FRMD5: variants seen among roughly 807,000 people sequenced by gnomAD.
FRMD5 encodes the protein FERM domain-containing protein 5.
FRMD5 carries 20 observed loss-of-function variants against 69.0 expected under a neutral mutation model. The observed-to-expected ratio is 0.29, with a 90% confidence interval of 0.20 to 0.42. FRMD5 has a LOEUF of 0.42. Ranked by LOEUF, FRMD5 falls within the 10% of genes least tolerant of loss-of-function variation. The probability of loss-of-function intolerance (pLI) is 1.00; values close to 1 mark genes in which losing one functional copy is unlikely to be tolerated. For missense variants in FRMD5, 595 were observed against 708.6 expected (o/e 0.84, Z 1.82); for synonymous variants, 271 against 260.1 (o/e 1.04, Z -0.40).
chr15:44,010,027 G>A (rs1392293639), intron 1 of FRMD5, among the ~76,000 whole-genome samples: 1 of 152,170 alleles, frequency 6.6e-6, no homozygotes, highest in East Asian at 1.9e-4. Context: ...CTTCAAAGGG[G>A]TTTAAACATT....
At chr15:44,167,114 C>T (rs2077722798) in intron 1 of FRMD5, among the ~76,000 whole-genome samples, 1 of 152,126 alleles carries the variant, frequency 6.6e-6, no homozygotes, top group Admixed American at 6.6e-5. Flanking sequence ...ACAGTTTCAC[C>T]TCCAAGCAAC....
chr15:43,886,467 G>T (rs766656194), intron 10 of FRMD5, among the ~76,000 whole-genome samples: 2 of 152,176 alleles, frequency 1.3e-5, no homozygotes, highest in African/African-American at 2.4e-5. Flanking sequence ...GTGGAGCTCT[G>T]TAATACTTTC....
intron 6 of FRMD5, among the ~76,000 whole-genome samples, chr15:43,905,354 C>T (rs946685584): frequency 2.0e-5 from 3 of 152,092 alleles, no homozygotes; most frequent in Non-Finnish European, 4.4e-5. Flanking sequence ...CCAGGCTGGT[C>T]TTGAACTCCT....
At chr15:44,150,821 G>T (rs1050714353) in intron 1 of FRMD5, among the ~76,000 whole-genome samples, 1 of 152,050 alleles carries the variant, frequency 6.6e-6, no homozygotes, top group Non-Finnish European at 1.5e-5. Context: ...GCTGGGTGCC[G>T]TGGCCCACGT....
intron 1 of FRMD5, among the ~76,000 whole-genome samples, chr15:43,975,454 T>C (rs1304182317): frequency 6.6e-6 from 1 of 151,948 alleles, no homozygotes; most frequent in East Asian, 1.9e-4. Context: ...ATAAAAGCAA[T>C]AGAGAAGAGG....
chr15:44,020,597 C>G (rs979305949), intron 1 of FRMD5, among the ~76,000 whole-genome samples: 4 of 152,158 alleles, frequency 2.6e-5, no homozygotes, highest in African/African-American at 9.7e-5. Context: ...TACGTTGGAG[C>G]TTTATTAATT....
chr15:44,001,235 C>T (rs1382234105), intron 1 of FRMD5, among the ~76,000 whole-genome samples: 4 of 152,020 alleles, frequency 2.6e-5, no homozygotes, highest in Admixed American at 2.6e-4. Flanking sequence ...GCTCCTATGC[C>T]CATTTTTAAA....
intron 7 of FRMD5, among the ~76,000 whole-genome samples, chr15:43,899,721 C>G (rs2088998810): frequency 6.6e-6 from 1 of 152,184 alleles, no homozygotes; most frequent in Non-Finnish European, 1.5e-5. Flanking sequence ...TGGGTGGCAA[C>G]AGTGCCTGGT....
In FRMD5 at chr15:44,195,241, T is replaced by TC. The variant is rs775217325; in HGVS notation, c.-188dup. Reference sequence around the variant, plus strand: ...CCTCCTTCCCTCAGCCGCCACCGCCTCCCCCCAGCCCAGATCAAGCGCCGG... The same window carrying TC: ...CCTCCTTCCCTCAGCCGCCACCGCCTCCCCCCCAGCCCAGATCAAGCGCCGG... On this transcript the variant is annotated 5_prime_UTR_variant, in exon 1 of 14. Coordinates refer to ENST00000417257, the MANE Select transcript of FRMD5 (RefSeq NM_032892.5). 116 of 529,716 alleles carry TC rather than the reference T, an allele frequency of 2.2e-4. No individual in the cohort carries two copies. Among genetic ancestry groups the TC allele is most frequent in the Admixed American group, 4.1e-4 (11 of 26,644 alleles). The allele number at this position is 529,716 out of a possible 1,614,324, so 32.8% of individuals were successfully genotyped here.
At chr15:44,083,992 G>T (rs1894093178) in intron 1 of FRMD5, among the ~76,000 whole-genome samples, 1 of 151,842 alleles carries the variant, frequency 6.6e-6, no homozygotes, top group South Asian at 2.1e-4. Flanking sequence ...CCTAGTCTTG[G>T]ACCTGTCAGT....
rs1025277199 is a variant in FRMD5, at chr15:44,111,235, C to T, written c.102+83718G>A. On this transcript the variant is annotated intron_variant, in intron 1 of 13. Coordinates refer to ENST00000417257, the MANE Select transcript of FRMD5 (RefSeq NM_032892.5). ...TGAACATCTGGCCTTCCATCTGCAA[C>T]AGGGACAGTGCCAGATTCAATGCTT... Among the ~76,000 whole-genome samples, 4 of 152,282 alleles carry T rather than the reference C, an allele frequency of 2.6e-5. No individual in the cohort carries two copies. The South Asian group carries it at 8.3e-4, about 32-fold the overall frequency.
chr15:43,874,790 C>T (rs1046329916), intron 13 of FRMD5, among the ~76,000 whole-genome samples: 1 of 151,822 alleles, frequency 6.6e-6, no homozygotes, highest in Non-Finnish European at 1.5e-5. Flanking sequence ...ATCCCAGTTA[C>T]TTGGTGGGCT....
At chr15:44,039,997 G>C (rs1044916208) in intron 1 of FRMD5, among the ~76,000 whole-genome samples, 2 of 151,916 alleles carry the variant, frequency 1.3e-5, no homozygotes, top group African/African-American at 4.8e-5. Flanking sequence ...TGATGGAGCT[G>C]AAAAACACAG....
At chr15:43,957,736 T>C (rs1386915276) in intron 1 of FRMD5, among the ~76,000 whole-genome samples, 1 of 152,274 alleles carries the variant, frequency 6.6e-6, no homozygotes, top group Non-Finnish European at 1.5e-5. Flanking sequence ...TTTTGAATGT[T>C]GTGCTCTTGA....
intron 1 of FRMD5, among the ~76,000 whole-genome samples, chr15:44,057,065 TG>T (rs1892897389): frequency 6.6e-6 from 1 of 151,924 alleles, no homozygotes; most frequent in Non-Finnish European, 1.5e-5. Context: ...CCTTTGATAA[TG>T]GGAAACAAGC....
chr15:43,950,716 C>A (rs184173091), intron 1 of FRMD5, among the ~76,000 whole-genome samples: 18 of 152,304 alleles, frequency 1.2e-4, no homozygotes, highest in Non-Finnish European at 2.5e-4. Flanking sequence ...GACAATAAGG[C>A]ACAGCTGGGA....
At chr15:44,023,059 C>T (rs1002305978) in intron 1 of FRMD5, among the ~76,000 whole-genome samples, 14 of 152,082 alleles carry the variant, frequency 9.2e-5, no homozygotes, top group Admixed American at 5.2e-4. Context: ...GGTCCAGTAG[C>T]TTATCTGTTA....
chr15:44,095,928 C>T (rs140202613), intron 1 of FRMD5, among the ~76,000 whole-genome samples: 4 of 152,154 alleles, frequency 2.6e-5, no homozygotes, highest in East Asian at 3.9e-4. Context: ...GTAAACTGGC[C>T]GGGTGCGGCG....
At chr15:43,902,299 T>A in intron 6 of FRMD5, 37 bp from the exon 7 acceptor site, 1 of 1,540,398 alleles carries the variant, frequency 6.5e-7, no homozygotes. Context: ...CAAGGTGTCT[T>A]GTTCCCACAG....
Sources: gnomAD v4.1 joint callset for allele counts (sites outside exome capture counted in the v4.1 genomes callset) on GRCh38, gnomAD v4.1.1 for gene constraint, MANE v1.5 for transcripts, NCBI Gene and HGNC (gene_info 2026-07-23, HGNC 2026-07-21) for gene names.